ADAMTSL4: variants seen among roughly 807,000 people sequenced by gnomAD.
ADAMTSL4 encodes ADAMTS like 4, also known as ADAMTS-like protein 4.
ADAMTSL4 carries 97 observed loss-of-function variants against 122.8 expected under a neutral mutation model. The ratio of observed to expected loss-of-function variants is 0.79; its 90% CI spans 0.67 to 0.93. The LOEUF is 0.93. Among genes scored for constraint, ADAMTSL4 ranks in the 40% least tolerant of loss-of-function variants. The probability of loss-of-function intolerance (pLI) is 0.00; values close to 1 mark genes in which losing one functional copy is unlikely to be tolerated. For missense variants in ADAMTSL4, 1,408 were observed against 1,453.5 expected, an observed-to-expected ratio of 0.97 and a Z score of 0.51; for synonymous variants, 592 against 568.0, an observed-to-expected ratio of 1.04 and a Z score of -0.60.
At position 150,557,266 on chromosome 1, in the gene ADAMTSL4, C is replaced by T. The variant is rs776946459; in HGVS notation, c.1978C>T (p.Pro660Ser). The T allele has an allele frequency of 6.2e-7, 1 of 1,612,018 alleles. No individual in the cohort carries two copies. The highest frequency in any genetic ancestry group is 1.1e-5 in the South Asian group (1 of 90,850). Reference protein sequence around the residue: ...QMPAPPHPRTPLGSPAAYWKR... With the variant: ...QMPAPPHPRTSLGSPAAYWKR... The stretch of plus-strand genomic sequence containing the variant: ...GCCCGCCCCGCCCCATCCCAGGACA[C>T]CCCTGGGGTCTCCAGCTGCGTACTG... Residue 660 changes from proline to serine, a missense_variant, in exon 12 of 19, where the codon CCC (proline) becomes TCC (serine). Transcript: ENST00000271643.
Position 150,552,906 on chromosome 1 carries a change from C to T in ADAMTSL4, c.87C>T (p.Ser29=), listed in dbSNP as rs202059899. The T allele has an allele frequency of 5.0e-5, 81 of 1,612,574 alleles. No individual in the cohort carries two copies. The East Asian group carries it at 5.1e-4, about 10-fold the overall frequency. Residue 29 remains serine (S), a synonymous_variant, in exon 5 of 19, where the codon TCC becomes TCT. Transcript: ENST00000271643. The surrounding 1 kb of genome is among the most constrained non-coding windows in gnomAD (Gnocchi z 4.0). ...PQLCLDQEVL[S]GHSLQTPTEE... is the part of the protein sequence containing the mutation. Reference sequence around the variant, plus strand: ...CCTTTTTCTCTATATAGGTGTTGTCCGGACACTCTCTTCAGACACCTACAG... The same window carrying T: ...CCTTTTTCTCTATATAGGTGTTGTCTGGACACTCTCTTCAGACACCTACAG...
intron 13 of ADAMTSL4, 136 bp downstream of exon 13, chr1:150,557,759 C>T: frequency 7.5e-7 from 1 of 1,338,532 alleles, no homozygotes; most frequent in African/African-American, 1.5e-5. Context: ...GAAAGGCAGA[C>T]ATTCGGTAGG....
Position 150,554,762 on chromosome 1 carries a change from G to A in ADAMTSL4, c.1234+295G>A. On this transcript the variant is annotated intron_variant, in intron 7 of 18. Transcript: ENST00000271643. This position sits in a 1 kb window ranked among gnomAD's most constrained non-coding sequence, Gnocchi z 4.0. ...GACACAAGAGGGCCATGGTGGGAGAGATCCTGTCCAGCCGTGACAGCCAGG... is the reference window on the plus strand; with the variant it reads ...GACACAAGAGGGCCATGGTGGGAGAAATCCTGTCCAGCCGTGACAGCCAGG... 8.8e-7 allele frequency: 1 copy of A among 1,140,578 alleles called. No homozygotes were observed. Among genetic ancestry groups the A allele is most frequent in the Non-Finnish European group, 1.2e-6 (1 of 812,458 alleles). The allele number at this position is 1,140,578 out of a possible 1,614,324, so 70.7% of individuals were successfully genotyped here. A position where few individuals can be genotyped will look rare whatever the true frequency, so the allele number is the denominator to read the frequency against.
Position 150,557,424 on chromosome 1 carries a change from C to G in ADAMTSL4, c.2048-70C>G, listed in dbSNP as rs1435768803. On this transcript the variant is annotated intron_variant, in intron 12 of 18. Coordinates refer to ENST00000271643, the MANE Select transcript of ADAMTSL4 (RefSeq NM_019032.6). Reference sequence around the variant, plus strand: ...CTGGATTGTGGGGCCACGCCCGACCCTGCGTCTGGGACACCACTGAGCTTG... The same window carrying G: ...CTGGATTGTGGGGCCACGCCCGACCGTGCGTCTGGGACACCACTGAGCTTG... 5.6e-6 allele frequency: 9 copies of G among 1,609,834 alleles called. No individual in the cohort carries two copies. The East Asian group carries it at 1.8e-4, about 32-fold the overall frequency.
rs901124929 is a variant in ADAMTSL4 at position 150,555,453 on chromosome 1, T to G, written c.1259T>G (p.Leu420Arg). 5 of 1,614,062 alleles carry G rather than the reference T, an allele frequency of 3.1e-6. No individual in the cohort carries two copies. Among genetic ancestry groups the G allele is most frequent in the Non-Finnish European group, 4.2e-6 (5 of 1,180,036 alleles). The change falls in exon 8 of 19, where the codon CTG becomes CGG. Residue 420 changes from leucine to arginine, a missense_variant. Coordinates refer to ENST00000271643, the MANE Select transcript of ADAMTSL4 (RefSeq NM_019032.6). ...TEVQGSQRCE[L>R]NCRPRGFRFY... ...GTCCAGGGCTCCCAGCGCTGTGAACTGAACTGCCGGCCCCGTGGCTTCCGC... is the reference window on the plus strand; with the variant it reads ...GTCCAGGGCTCCCAGCGCTGTGAACGGAACTGCCGGCCCCGTGGCTTCCGC...
Position 150,556,450 on chromosome 1 carries a change from AG to A in ADAMTSL4, c.1576+89del. ...ACTCAGAGCAGTGAGCAAGCCAAACAGGGGGAAGTCCAGGGCCTAGCCCCTC... is the reference window on the plus strand; with the variant it reads ...ACTCAGAGCAGTGAGCAAGCCAAACAGGGGAAGTCCAGGGCCTAGCCCCTC... On this transcript the variant is annotated intron_variant, in intron 9 of 18. Coordinates refer to ENST00000271643, the MANE Select transcript of ADAMTSL4 (RefSeq NM_019032.6). This position sits in a 1 kb window ranked among gnomAD's most constrained non-coding sequence, Gnocchi z 4.1. The A allele has an allele frequency of 1.3e-6, 2 of 1,587,074 alleles. No individual in the cohort carries two copies. The highest frequency in any genetic ancestry group is 8.6e-7 in the Non-Finnish European group (1 of 1,161,090).
In ADAMTSL4 at chr1:150,552,388, G is replaced by A. The variant is rs1671509352; in HGVS notation, c.20+80G>A. On this transcript the variant is annotated intron_variant, in intron 3 of 18. Transcript: ENST00000271643. The surrounding 1 kb of genome is among the most constrained non-coding windows in gnomAD (Gnocchi z 4.0). ...CTCTGTGTCTGGAAGTGAGGGAAAG[G>A]GGACCACTGGGAGGGGCAGGGGAAG... 2.0e-6 allele frequency: 3 copies of A among 1,535,112 alleles called. No homozygotes were observed. In the East Asian group the frequency reaches 7.2e-5, roughly 37 times the overall value.
chr1:150,555,700 C>A, intron 8 of ADAMTSL4, 135 bp downstream of exon 8: 1 of 168,576 alleles, frequency 5.9e-6, no homozygotes, highest in Non-Finnish European at 7.9e-6. Context: ...CGCATATGCG[C>A]ACAGACACAT....
chr1:150,551,801 G>A (rs61684558), intron 2 of ADAMTSL4: 10,158 of 159,878 alleles, frequency 0.064, 929 homozygotes, highest in African/African-American at 0.19. Context: ...TCAGGAGGCT[G>A]AGGAAGGAGA....
In ADAMTSL4 at chr1:150,557,969, C is replaced by A; in HGVS notation, c.2202C>A (p.Ser734=). 1 of 1,609,496 alleles carries A rather than the reference C, an allele frequency of 6.2e-7. No homozygotes were observed. The highest frequency in any genetic ancestry group is 8.5e-7 in the Non-Finnish European group (1 of 1,179,750). Residue 734 remains serine, a synonymous_variant, in exon 14 of 19, where the codon TCC becomes TCA. Coordinates refer to ENST00000271643, the MANE Select transcript of ADAMTSL4 (RefSeq NM_019032.6). ...PPYWEAGEWT[S]CSRSCGPGTQ... is the part of the protein sequence containing the mutation. ...GCTGGGAGGCTGGCGAGTGGACATC[C>A]TGCAGCCGCTCCTGTGGCCCCGGCA...
At chr1:150,550,610 C>G (rs1671309460) in intron 2 of ADAMTSL4, 1 of 390,952 alleles carries the variant, frequency 2.6e-6, no homozygotes, top group African/African-American at 2.1e-5. Context: ...TTCTTCTTCC[C>G]TCAGCTGGAG....
intron 8 of ADAMTSL4, among the ~76,000 whole-genome samples, 168 bp downstream of exon 8, chr1:150,555,733 GCACACA>G (rs369710144): frequency 6.7e-6 from 1 of 150,142 alleles, no homozygotes; most frequent in South Asian, 2.1e-4. Flanking sequence ...ACACACACAC[GCACACA>G]CACGCATATG....
chr1:150,558,019 G>A lies in ADAMTSL4; in HGVS notation c.2252G>A (p.Arg751Gln), dbSNP rs753302240. 42 of 1,612,628 alleles carry A rather than the reference G, an allele frequency of 2.6e-5. No individual in the cohort carries two copies. Among genetic ancestry groups the A allele is most frequent in the East Asian group, 1.3e-4 (6 of 44,868 alleles). ...PGTQHRQLQC[R>Q]QEFGGGGSSV... is the part of the protein sequence containing the mutation. ...ACCCAGCACCGCCAGCTGCAGTGCC[G>A]GCAGGAATTTGGGGGGGGTGGCTCC... The change falls in exon 14 of 19, where the codon CGG (arginine) becomes CAG (glutamine). Residue 751 changes from arginine (R) to glutamine (Q), a missense_variant. Arg to Gln is a conservative substitution (Grantham distance 43). Coordinates refer to ENST00000271643, the MANE Select transcript of ADAMTSL4 (RefSeq NM_019032.6).
Position 150,560,697 on chromosome 1 carries a change from CTCCCTAAT to C in ADAMTSL4, c.*503_*510del, listed in dbSNP as rs1672669135. 5.9e-6 allele frequency: 1 copy of C among 169,582 alleles called. No individual in the cohort carries two copies. The allele number at this position is 169,582 out of a possible 1,614,324, so 10.5% of individuals were successfully genotyped here. On this transcript the variant is annotated 3_prime_UTR_variant, in exon 19 of 19. Transcript: ENST00000271643. Reference sequence around the variant, plus strand: ...ATTTGCCTAGTATCTCTGCCCCTGCCTCCCTAATTAGCTAGGGCTGGGGTCAGCCACTG... The same window carrying C: ...ATTTGCCTAGTATCTCTGCCCCTGCCTAGCTAGGGCTGGGGTCAGCCACTG...
At position 150,556,385 on chromosome 1, in the gene ADAMTSL4, C is replaced by T; in HGVS notation, c.1576+19C>T. 1 of 1,613,678 alleles carries T rather than the reference C, an allele frequency of 6.2e-7. No homozygotes were observed. The highest frequency in any genetic ancestry group is 1.1e-5 in the South Asian group (1 of 91,058). On this transcript the variant is annotated intron_variant, in intron 9 of 18. Transcript: ENST00000271643. The surrounding 1 kb of genome is among the most constrained non-coding windows in gnomAD (Gnocchi z 4.1). ...TACCTGGGTGAGCACCCAGCTGCCT[C>T]CCCTTCCACTTCCGTCTCTGTTCGG...
chr1:150,552,907 G>A lies in ADAMTSL4; in HGVS notation c.88G>A (p.Gly30Arg), dbSNP rs755040821. The part of the protein sequence containing the change: ...QLCLDQEVLS[G>R]HSLQTPTEEG... ...CTTTTTCTCTATATAGGTGTTGTCC[G>A]GACACTCTCTTCAGACACCTACAGA... is the stretch of plus-strand genomic sequence containing the variant. The change falls in exon 5 of 19, where the codon GGA (glycine) becomes AGA (arginine). Residue 30 changes from glycine (G) to arginine (R), a missense_variant. Transcript: ENST00000271643. This position sits in a 1 kb window ranked among gnomAD's most constrained non-coding sequence, Gnocchi z 4.0. 1.7e-5 allele frequency: 28 copies of A among 1,612,472 alleles called. No individual in the cohort carries two copies. Among genetic ancestry groups the A allele is most frequent in the African/African-American group, 6.7e-5 (5 of 74,846 alleles).
chr1:150,556,846 T>TAA lies in ADAMTSL4; in HGVS notation c.1749+53_1749+54insAA, dbSNP rs34379037. ...TGCTGGGGAGGGAGGCTGTTCCCTCTGGGCAGAGCTGTGGTTGTCAAGATG... is the reference window on the plus strand; with the variant it reads ...TGCTGGGGAGGGAGGCTGTTCCCTCTAAGGGCAGAGCTGTGGTTGTCAAGATG... On this transcript the variant is annotated intron_variant, in intron 10 of 18. Transcript: ENST00000271643. This position sits in a 1 kb window ranked among gnomAD's most constrained non-coding sequence, Gnocchi z 4.1. 0.96 allele frequency: 1,545,424 copies of TAA among 1,613,548 alleles called. 740,589 individuals are homozygous for TAA. Among genetic ancestry groups the TAA allele is most frequent in the East Asian group, 1 (44,852 of 44,862 alleles).
intron 2 of ADAMTSL4, chr1:150,550,356 T>TG: frequency 2.8e-5 from 8 of 288,744 alleles, no homozygotes; most frequent in Admixed American, 8.8e-5. Context: ...GAGGGTGGGG[T>TG]GGGACTTTTC....
chr1:150,557,978 C>T lies in ADAMTSL4; in HGVS notation c.2211C>T (p.Arg737=), dbSNP rs761708323. Residue 737 remains arginine (R), a synonymous_variant, in exon 14 of 19, where the codon CGC becomes CGT. Transcript: ENST00000271643. ...CTGGCGAGTGGACATCCTGCAGCCG[C>T]TCCTGTGGCCCCGGCACCCAGCACC... ...WEAGEWTSCS[R]SCGPGTQHRQ... is the part of the protein sequence containing the mutation. The T allele has an allele frequency of 1.2e-6, 2 of 1,610,756 alleles. No individual in the cohort carries two copies. The highest frequency in any genetic ancestry group is 1.1e-5 in the South Asian group (1 of 91,040).
Sources: allele counts gnomAD v4.1 joint callset (sites outside exome capture counted in the v4.1 genomes callset), GRCh38; gene constraint gnomAD v4.1.1; non-coding constraint Gnocchi (gnomAD v3.1); transcripts MANE v1.5; gene names NCBI Gene and HGNC (gene_info 2026-07-23, HGNC 2026-07-21).